The following TBC1D15 variants were observed in gnomAD, a reference collection of about 807,000 sequenced individuals.
TBC1D15 encodes TBC1 domain family member 15.
A neutral mutation model predicts 95.4 loss-of-function variants in TBC1D15; 39 were observed. The observed-to-expected ratio is 0.41, with a 90% CI of 0.32 to 0.53. TBC1D15 has a LOEUF of 0.53. Ranked by LOEUF, TBC1D15 falls within the 20% of genes least tolerant of loss-of-function variation. The pLI is 0.29. For synonymous variants in TBC1D15, 258 were observed against 261.3 expected (o/e 0.99, Z 0.12); for missense variants, 733 against 794.3 (o/e 0.92, Z 0.93).
intron 11 of TBC1D15, among the ~76,000 whole-genome samples, chr12:71,909,309 T>G (rs1436276183): frequency 6.6e-6 from 1 of 152,210 alleles, no homozygotes; most frequent in African/African-American, 2.4e-5. Flanking sequence ...AAATTTACTC[T>G]GTCTTGTAGG....
intron 1 of TBC1D15, among the ~76,000 whole-genome samples, chr12:71,864,363 C>T (rs1047758397): frequency 2.6e-4 from 40 of 152,064 alleles, no homozygotes; most frequent in African/African-American, 6.3e-4. Flanking sequence ...CTACTGCACC[C>T]GGCTGCTTTT....
At chr12:71,861,806 T>A (rs2138131514) in intron 1 of TBC1D15, among the ~76,000 whole-genome samples, 1 of 152,232 alleles carries the variant, frequency 6.6e-6, no homozygotes, top group Admixed American at 6.5e-5. Flanking sequence ...CCTGTTTTTT[T>A]AATGTAGGTG....
intron 5 of TBC1D15, among the ~76,000 whole-genome samples, chr12:71,888,325 G>C (rs1896625064): frequency 6.6e-6 from 1 of 152,014 alleles, no homozygotes; most frequent in Non-Finnish European, 1.5e-5. Context: ...CTCTACTACA[G>C]ATACAAGAAA....
At chr12:71,840,166 C>A (rs1221797750) in intron 1 of TBC1D15, among the ~76,000 whole-genome samples, 1 of 152,194 alleles carries the variant, frequency 6.6e-6, no homozygotes, top group East Asian at 1.9e-4. Flanking sequence ...TCTTCTGACT[C>A]CAGCGTCTTT....
intron 5 of TBC1D15, among the ~76,000 whole-genome samples, chr12:71,888,041 C>A (rs1273342419): frequency 6.6e-6 from 1 of 152,162 alleles, no homozygotes; most frequent in African/African-American, 2.4e-5. Flanking sequence ...AGTTTCCTAT[C>A]CTGGATGGGT....
chr12:71,841,352 T>C (rs536298931), intron 1 of TBC1D15: 11 of 152,362 alleles, frequency 7.2e-5, no homozygotes, highest in African/African-American at 2.6e-4. Flanking sequence ...GAGACTTATA[T>C]TTAGTAATTC....
At chr12:71,849,406 A>T (rs1473775484) in intron 1 of TBC1D15, 1 of 1,373,002 alleles carries the variant, frequency 7.3e-7, no homozygotes, top group South Asian at 1.2e-5. Flanking sequence ...CTTCCCATGA[A>T]CATAATTCCT....
In TBC1D15 at chr12:71,910,596, T is replaced by A. The variant is rs548790017; in HGVS notation, c.1301-3230T>A. On this transcript the variant is annotated intron_variant, in intron 11 of 16. Coordinates refer to ENST00000485960, the MANE Select transcript of TBC1D15 (RefSeq NM_001146213.3). ...CCTTCACATCCCTTGTAAGTTGGAT[T>A]CCTAAGTATTTTATTCTCTTTGAAG... Among the ~76,000 whole-genome samples, 800 of 152,138 alleles carry A rather than the reference T, an allele frequency of 5.3e-3. 11 individuals are homozygous for A. The highest frequency in any genetic ancestry group is 0.018 in the African/African-American group (742 of 41,432).
chr12:71,862,593 A>G (rs965845814), intron 1 of TBC1D15, among the ~76,000 whole-genome samples: 1 of 152,188 alleles, frequency 6.6e-6, no homozygotes, highest in Non-Finnish European at 1.5e-5. Flanking sequence ...AATTCCATTT[A>G]TCCAGTCTGT....
At chr12:71,865,426 G>A (rs563275284) in intron 1 of TBC1D15, among the ~76,000 whole-genome samples, 1 of 152,264 alleles carries the variant, frequency 6.6e-6, no homozygotes, top group East Asian at 1.9e-4. Flanking sequence ...TGAGCCAGTA[G>A]GGTTCAGTGG....
intron 1 of TBC1D15, among the ~76,000 whole-genome samples, chr12:71,863,348 A>T (rs764559757): frequency 8.5e-5 from 13 of 152,140 alleles, no homozygotes; most frequent in African/African-American, 1.4e-4. Context: ...ACTGCACTCC[A>T]GCCTGGGCGA....
Position 71,895,937 on chromosome 12 carries a change from T to A in TBC1D15, c.856-10T>A. The A allele has an allele frequency of 6.2e-7, 1 of 1,609,856 alleles. No individual in the cohort carries two copies. The highest frequency in any genetic ancestry group is 1.1e-5 in the South Asian group (1 of 90,630). On this transcript the variant is annotated splice_polypyrimidine_tract_variant and intron_variant, in intron 7 of 16. Coordinates refer to ENST00000485960, the MANE Select transcript of TBC1D15 (RefSeq NM_001146213.3). ...AATATGTACTTATTATTGCTTAATC[T>A]TATTTTTAGATTGATTTGGGGGAAC...
rs35115414 is a variant in TBC1D15 at position 71,875,529 on chromosome 12, A to ATTT, written c.204+2534_204+2536dup. Among the ~76,000 whole-genome samples the ATTT allele has an allele frequency of 6.1e-3, 901 of 148,908 alleles. 4 individuals carry two copies. The highest frequency in any genetic ancestry group is 0.021 in the African/African-American group (859 of 40,740). On this transcript the variant is annotated intron_variant, in intron 3 of 16. Coordinates refer to ENST00000485960, the MANE Select transcript of TBC1D15 (RefSeq NM_001146213.3). ...TTTAGCTCTTATATTTAGATTGGTG[A>ATTT]TTTTTTTTTTCTTTCTTCCTCCCTT...
chr12:71,842,773 G>T, intron 1 of TBC1D15, among the ~76,000 whole-genome samples: 1 of 148,864 alleles, frequency 6.7e-6, no homozygotes, highest in Non-Finnish European at 1.5e-5. Flanking sequence ...GGAGGCTGCA[G>T]TGAGCTATGA....
intron 4 of TBC1D15, among the ~76,000 whole-genome samples, chr12:71,884,363 A>G (rs1895807917): frequency 6.6e-6 from 1 of 152,182 alleles, no homozygotes; most frequent in Non-Finnish European, 1.5e-5. Context: ...TGCACTAGTT[A>G]GTTGAAAAGT....
intron 5 of TBC1D15, among the ~76,000 whole-genome samples, 171 bp from the exon 6 acceptor site, chr12:71,893,051 T>G (rs934819458): frequency 2.6e-5 from 4 of 151,744 alleles, no homozygotes; most frequent in Non-Finnish European, 5.9e-5. Context: ...CATGTAGTTT[T>G]GAAGCTCCTT....
At chr12:71,916,214 T>C (rs1903667133) in intron 12 of TBC1D15, among the ~76,000 whole-genome samples, 1 of 152,186 alleles carries the variant, frequency 6.6e-6, no homozygotes, top group Non-Finnish European at 1.5e-5. Flanking sequence ...TGAAGCCCTT[T>C]GTATATCCAT....
intron 1 of TBC1D15, chr12:71,861,591 T>C: frequency 8.5e-7 from 1 of 1,180,856 alleles, no homozygotes; most frequent in Non-Finnish European, 1.1e-6. Flanking sequence ...TTTCACTTTT[T>C]TTCTTGGTTT....
chr12:71,861,456 T>G, intron 1 of TBC1D15: 1 of 1,532,252 alleles, frequency 6.5e-7, no homozygotes, highest in Non-Finnish European at 8.8e-7. Flanking sequence ...TGTCCAGGAC[T>G]TTATCCATAC....
Sources: allele counts gnomAD v4.1 joint callset (sites outside exome capture counted in the v4.1 genomes callset), GRCh38; gene constraint gnomAD v4.1.1; transcripts MANE v1.5; gene names NCBI Gene and HGNC (gene_info 2026-07-23, HGNC 2026-07-21).